SLC24A3: variants seen among roughly 807,000 people sequenced by gnomAD.
SLC24A3 encodes the protein sodium/potassium/calcium exchanger 3.
SLC24A3 carries 28 observed loss-of-function variants against 75.8 expected under a neutral mutation model. That is an observed-to-expected ratio of 0.37 (90% confidence interval 0.27 to 0.51). SLC24A3 has a LOEUF of 0.51. Ranked by LOEUF, SLC24A3 falls within the 20% of genes least tolerant of loss-of-function variation. The pLI, the probability that SLC24A3 is intolerant of heterozygous loss-of-function variation, is 0.94. For synonymous variants in SLC24A3, 372 were observed against 334.1 expected, an observed-to-expected ratio of 1.11 and a Z score of -1.24; for missense variants, 663 against 847.8, an observed-to-expected ratio of 0.78 and a Z score of 2.71.
rs376131610 is a variant in SLC24A3, at chr20:19,322,277, C to T, written c.271+41190C>T. 7.2e-5 allele frequency among the ~76,000 whole-genome samples: 11 copies of T among 152,130 alleles called. 1 individual carries two copies. Among genetic ancestry groups the T allele is most frequent in the South Asian group, 6.2e-4 (3 of 4,810 alleles). ...TTTTCCTATTCAATCATTTCTTCTA[C>T]GTTAGCTGGTATTCCTCTCTAAATA... is the stretch of plus-strand genomic sequence containing the variant. On this transcript the variant is annotated intron_variant, in intron 2 of 16. Transcript: ENST00000328041.
At chr20:19,633,319 C>T (rs2031957554) in intron 6 of SLC24A3, among the ~76,000 whole-genome samples, 1 of 152,222 alleles carries the variant, frequency 6.6e-6, no homozygotes, top group African/African-American at 2.4e-5. Flanking sequence ...ATGATCTTCA[C>T]CTTGTACATA....
intron 6 of SLC24A3, among the ~76,000 whole-genome samples, chr20:19,609,451 G>A (rs941205418): frequency 7.9e-5 from 12 of 151,898 alleles, no homozygotes; most frequent in Non-Finnish European, 1.8e-4. Flanking sequence ...TGCAGACTGT[G>A]CAGGCTTTTG....
chr20:19,596,971 C>A (rs2031460149), intron 6 of SLC24A3, among the ~76,000 whole-genome samples: 1 of 152,232 alleles, frequency 6.6e-6, no homozygotes, highest in South Asian at 2.1e-4. Flanking sequence ...TGCTAGGCTG[C>A]AATATCATTA....
In SLC24A3 at chr20:19,248,101, C is replaced by T. The variant is rs574433213; in HGVS notation, c.143-32858C>T. Among the ~76,000 whole-genome samples the T allele has an allele frequency of 2.1e-3, 317 of 152,212 alleles. 1 individual carries two copies. Among genetic ancestry groups the T allele is most frequent in the Non-Finnish European group, 3.6e-3 (244 of 68,010 alleles). On this transcript the variant is annotated intron_variant, in intron 1 of 16. Transcript: ENST00000328041. ...TTTTCAGTCCATTTTTGTTCCAGAG[C>T]ATGACATAGTCCCAAAAATAGAAAA...
intron 6 of SLC24A3, among the ~76,000 whole-genome samples, chr20:19,636,608 T>A (rs1388995394): frequency 6.6e-6 from 1 of 152,110 alleles, no homozygotes; most frequent in Non-Finnish European, 1.5e-5. Context: ...CACCCTACAG[T>A]GAAGCTTGCC....
At chr20:19,362,400 ATTTG>A (rs1600448490) in intron 2 of SLC24A3, among the ~76,000 whole-genome samples, 1 of 152,272 alleles carries the variant, frequency 6.6e-6, no homozygotes, top group South Asian at 2.1e-4. Flanking sequence ...TCACTTCTTG[ATTTG>A]TTTGAGCTCA....
chr20:19,679,974 G>T (rs139397004), intron 9 of SLC24A3, among the ~76,000 whole-genome samples: 100 of 151,262 alleles, frequency 6.6e-4, no homozygotes, highest in African/African-American at 2.3e-3. Context: ...CCATGATGTG[G>T]CACAGTCTGT....
At chr20:19,398,453 ATTTTG>A (rs1319683825) in intron 2 of SLC24A3, among the ~76,000 whole-genome samples, 2 of 152,038 alleles carry the variant, frequency 1.3e-5, no homozygotes, top group Non-Finnish European at 2.9e-5. Flanking sequence ...AATTTTTGAT[ATTTTG>A]TTTTCATTTC....
intron 2 of SLC24A3, among the ~76,000 whole-genome samples, chr20:19,356,751 C>T (rs946533474): frequency 6.6e-6 from 1 of 152,036 alleles, no homozygotes; most frequent in Non-Finnish European, 1.5e-5. Flanking sequence ...AAACTGTTCT[C>T]CAGCATGTTT....
chr20:19,548,601 G>A (rs934169356), intron 3 of SLC24A3, among the ~76,000 whole-genome samples: 2 of 152,158 alleles, frequency 1.3e-5, no homozygotes, highest in African/African-American at 2.4e-5. Context: ...TAACGCCAAG[G>A]TGTCAGCCAT....
intron 3 of SLC24A3, among the ~76,000 whole-genome samples, chr20:19,550,759 G>A (rs1021453258): frequency 2.6e-5 from 4 of 152,174 alleles, no homozygotes; most frequent in Admixed American, 6.5e-5. Flanking sequence ...CTTGAAGGCC[G>A]TGACCCATTA....
chr20:19,564,890 C>A (rs111459742), intron 3 of SLC24A3, among the ~76,000 whole-genome samples: 20 of 152,338 alleles, frequency 1.3e-4, no homozygotes, highest in African/African-American at 4.8e-4. Context: ...CTCACTGCAA[C>A]CTTTGCCTCC....
At chr20:19,272,995 G>C (rs1264114338) in intron 1 of SLC24A3, among the ~76,000 whole-genome samples, 3 of 152,166 alleles carry the variant, frequency 2.0e-5, no homozygotes, top group African/African-American at 7.2e-5. Context: ...GAAGAAGTGG[G>C]AGAATATGTG....
At chr20:19,498,283 A>G (rs775719549) in intron 2 of SLC24A3, among the ~76,000 whole-genome samples, 1 of 152,242 alleles carries the variant, frequency 6.6e-6, no homozygotes, top group Non-Finnish European at 1.5e-5. Context: ...AAAGTACACA[A>G]TAAATGTAAA....
At chr20:19,386,434 A>G in intron 2 of SLC24A3, among the ~76,000 whole-genome samples, 1 of 152,198 alleles carries the variant, frequency 6.6e-6, no homozygotes, top group African/African-American at 2.4e-5. Context: ...TGCTCTAGCT[A>G]GAACTCCCAG....
intron 2 of SLC24A3, among the ~76,000 whole-genome samples, chr20:19,426,279 ACAC>A (rs1568614704): frequency 6.6e-6 from 1 of 152,198 alleles, no homozygotes; most frequent in Non-Finnish European, 1.5e-5. Flanking sequence ...TGTATAGGTA[ACAC>A]CACCACCAAC....
chr20:19,717,640 C>T, intron 16 of SLC24A3, 47 bp downstream of exon 16: 2 of 1,609,748 alleles, frequency 1.2e-6, no homozygotes, highest in Non-Finnish European at 8.5e-7. Flanking sequence ...CTGTTCTTTC[C>T]TCCCCTTGGT....
chr20:19,374,788 T>C (rs993055347), intron 2 of SLC24A3, among the ~76,000 whole-genome samples: 21 of 152,178 alleles, frequency 1.4e-4, no homozygotes, highest in Non-Finnish European at 1.5e-5. Context: ...CCCATTCTTA[T>C]CAGGGCATCT....
At chr20:19,434,879 A>G (rs1299494364) in intron 2 of SLC24A3, among the ~76,000 whole-genome samples, 1 of 152,152 alleles carries the variant, frequency 6.6e-6, no homozygotes, top group Non-Finnish European at 1.5e-5. Context: ...CTGGCATCAT[A>G]CAGGGATTCT....
Sources: gnomAD v4.1 joint callset for allele counts (sites outside exome capture counted in the v4.1 genomes callset) on GRCh38, gnomAD v4.1.1 for gene constraint, MANE v1.5 for transcripts, NCBI Gene and HGNC (gene_info 2026-07-23, HGNC 2026-07-21) for gene names.